Variants in ITPR2 observed in about 807,000 individuals in gnomAD.
The protein encoded by ITPR2 is inositol 1,4,5-trisphosphate-gated calcium channel ITPR2.
ITPR2 carries 207 observed loss-of-function variants against 317.1 expected under a neutral mutation model. That is an observed-to-expected ratio of 0.65 (90% CI 0.58 to 0.73). The LOEUF is 0.73. Among genes scored for constraint, ITPR2 ranks in the 30% least tolerant of loss-of-function variants. The pLI is 0.00. For synonymous variants in ITPR2, 1,156 were observed against 1,149.1 expected (o/e 1.01, Z -0.12); for missense variants, 2,613 against 3,284.0 (o/e 0.80, Z 4.99).
chr12:26,671,244 T>C, intron 13 of ITPR2, among the ~76,000 whole-genome samples: 1 of 152,102 alleles, frequency 6.6e-6, no homozygotes, highest in Non-Finnish European at 1.5e-5. Flanking sequence ...AGACACATAA[T>C]TATCAGATTC....
intron 15 of ITPR2, among the ~76,000 whole-genome samples, chr12:26,662,090 A>T (rs1947517567): frequency 6.6e-6 from 1 of 152,128 alleles, no homozygotes; most frequent in African/African-American, 2.4e-5. Context: ...TTGCCATATT[A>T]TTTATCTTCT....
rs1285634385 is a variant in ITPR2 at position 26,436,284 on chromosome 12, G to A, written c.6706C>T (p.Leu2236=). The change falls in exon 48 of 57, where the codon CTG becomes TTG. Residue 2236 remains leucine (L), a synonymous_variant. Coordinates refer to ENST00000381340, the MANE Select transcript of ITPR2 (RefSeq NM_002223.4). The stretch of plus-strand genomic sequence containing the variant: ...ACAGCTAAATTGATGAACACAGCCA[G>A]GTTGAAGGAAATGCTCCCCCAGAGA... The part of the protein sequence containing the change: ...ISLWGSISFN[L]AVFINLAVAL... 2 of 1,613,328 alleles carry A rather than the reference G, an allele frequency of 1.2e-6. No homozygotes were observed. Among genetic ancestry groups the A allele is most frequent in the East Asian group, 2.2e-5 (1 of 44,824 alleles).
chr12:26,387,082 T>C (rs1939688731), intron 55 of ITPR2, among the ~76,000 whole-genome samples: 1 of 152,240 alleles, frequency 6.6e-6, no homozygotes, highest in South Asian at 2.1e-4. Flanking sequence ...CTTCTGTTCA[T>C]ATTTAACAAT....
chr12:26,804,762 GTC>G (rs1326097910), intron 1 of ITPR2, among the ~76,000 whole-genome samples: 1 of 151,660 alleles, frequency 6.6e-6, no homozygotes, highest in Non-Finnish European at 1.5e-5. Context: ...TTGAGACAAG[GTC>G]TCTCTCTGTC....
chr12:26,818,703 T>C (rs1156433734), intron 1 of ITPR2, among the ~76,000 whole-genome samples: 1 of 152,212 alleles, frequency 6.6e-6, no homozygotes, highest in Non-Finnish European at 1.5e-5. Flanking sequence ...AATTCCTTTT[T>C]TTTTTTACCT....
At chr12:26,608,083 T>C (rs981730989) in intron 26 of ITPR2, among the ~76,000 whole-genome samples, 1 of 152,106 alleles carries the variant, frequency 6.6e-6, no homozygotes, top group Admixed American at 6.5e-5. Context: ...ATCGTGCCAC[T>C]GCACTCCAGC....
At chr12:26,614,089 A>G (rs1820108727) in intron 26 of ITPR2, among the ~76,000 whole-genome samples, 1 of 152,030 alleles carries the variant, frequency 6.6e-6, no homozygotes, top group Non-Finnish European at 1.5e-5. Context: ...ACTGCAAAGA[A>G]CCCTCCTATT....
chr12:26,654,496 CTA>C (rs1947330447), intron 20 of ITPR2, among the ~76,000 whole-genome samples: 1 of 152,172 alleles, frequency 6.6e-6, no homozygotes, highest in Non-Finnish European at 1.5e-5. Flanking sequence ...GCCCAGAAAT[CTA>C]TGTTCCCTAT....
intron 52 of ITPR2, among the ~76,000 whole-genome samples, chr12:26,401,614 C>T (rs555156662): frequency 8.5e-5 from 13 of 152,266 alleles, no homozygotes; most frequent in African/African-American, 3.1e-4. Flanking sequence ...ATTTTTCTCA[C>T]TACAAGGTTA....
chr12:26,717,794 C>T lies in ITPR2; in HGVS notation c.526-1552G>A, dbSNP rs1948767266. Among the ~76,000 whole-genome samples the T allele has an allele frequency of 2.0e-5, 3 of 152,320 alleles. 1 individual carries two copies. In the South Asian group the frequency reaches 6.2e-4, roughly 32 times the overall value. ...AGAGATTTTTCACAATATATCTTTACATTGTTTTCTATCTTTGAACCATGA... is the reference window on the plus strand; with the variant it reads ...AGAGATTTTTCACAATATATCTTTATATTGTTTTCTATCTTTGAACCATGA... On this transcript the variant is annotated intron_variant, in intron 5 of 56. Transcript: ENST00000381340.
intron 2 of ITPR2, among the ~76,000 whole-genome samples, chr12:26,768,471 T>C (rs1949771591): frequency 7.9e-6 from 1 of 126,734 alleles, no homozygotes; most frequent in African/African-American, 2.9e-5. Flanking sequence ...AAATAAAAAT[T>C]TTGTGCAACT....
intron 49 of ITPR2, among the ~76,000 whole-genome samples, chr12:26,425,431 G>A (rs1941027730): frequency 6.6e-6 from 1 of 151,778 alleles, no homozygotes; most frequent in African/African-American, 2.4e-5. Context: ...CACTTTGGGA[G>A]GCCAAGGCGG....
chr12:26,595,489 C>T lies in ITPR2; in HGVS notation c.4356G>A (p.Glu1452=). The change falls in exon 32 of 57, where the codon GAG becomes GAA. Residue 1452 remains glutamate, a synonymous_variant. Transcript: ENST00000381340. ...CCCTTGCCATATCCACCAAGAAGTT[C>T]TCAAATAATTTCCAAATGTGGTTAC... ...YTSNHIWKLF[E]NFLVDMARVC... is the part of the protein sequence containing the mutation. 6.2e-7 allele frequency: 1 copy of T among 1,608,604 alleles called. No individual in the cohort carries two copies. Among genetic ancestry groups the T allele is most frequent in the Non-Finnish European group, 8.5e-7 (1 of 1,178,454 alleles).
intron 26 of ITPR2, among the ~76,000 whole-genome samples, chr12:26,616,602 C>T (rs1379745404): frequency 6.6e-6 from 1 of 152,014 alleles, no homozygotes; most frequent in East Asian, 1.9e-4. Context: ...TTTTTTAAAT[C>T]GAAAAGTCTG....
At chr12:26,782,005 T>G (rs1950088649) in intron 2 of ITPR2, among the ~76,000 whole-genome samples, 1 of 26,166 alleles carries the variant, frequency 3.8e-5, no homozygotes, top group Non-Finnish European at 7.5e-5. Flanking sequence ...TATATATATA[T>G]ATATATATAT....
intron 55 of ITPR2, among the ~76,000 whole-genome samples, chr12:26,382,310 G>A (rs1939532533): frequency 6.6e-6 from 1 of 152,116 alleles, no homozygotes; most frequent in Non-Finnish European, 1.5e-5. Context: ...CAATATCCCA[G>A]AAGATGCTCC....
chr12:26,724,254 T>C (rs1295118284), intron 4 of ITPR2, among the ~76,000 whole-genome samples: 10 of 152,166 alleles, frequency 6.6e-5, no homozygotes, highest in Non-Finnish European at 2.9e-5. Context: ...GACCTTCTAA[T>C]AACAATTCAA....
intron 55 of ITPR2, among the ~76,000 whole-genome samples, chr12:26,374,910 A>T (rs1404295530): frequency 6.6e-6 from 1 of 152,234 alleles, no homozygotes; most frequent in Non-Finnish European, 1.5e-5. Flanking sequence ...ATTAGTCCCA[A>T]ATCCTATGGA....
At chr12:26,380,900 C>T (rs1421400340) in intron 55 of ITPR2, among the ~76,000 whole-genome samples, 1 of 152,184 alleles carries the variant, frequency 6.6e-6, no homozygotes, top group African/African-American at 2.4e-5. Context: ...CCTTATGTGG[C>T]TAAAGTACTG....
Sources: gnomAD v4.1 joint callset for allele counts (sites outside exome capture counted in the v4.1 genomes callset) on GRCh38, gnomAD v4.1.1 for gene constraint, MANE v1.5 for transcripts, NCBI Gene and HGNC (gene_info 2026-07-23, HGNC 2026-07-21) for gene names.